Variants in C6orf52 observed in about 807,000 individuals in gnomAD.
C6orf52 encodes putative uncharacterized protein C6orf52.
A neutral mutation model predicts 16.6 loss-of-function variants in C6orf52; 16 were observed. The ratio of observed to expected loss-of-function variants is 0.96; its 90% CI spans 0.65 to 1.46. The LOEUF is 1.46. C6orf52 is among the 40% of genes most tolerant of loss of function. The pLI is 0.00. For missense variants in C6orf52, 166 were observed against 182.3 expected, an observed-to-expected ratio of 0.91 and a Z score of 0.52; for synonymous variants, 53 against 61.4, an observed-to-expected ratio of 0.86 and a Z score of 0.64.
intron 1 of C6orf52, among the ~76,000 whole-genome samples, chr6:10,691,436 TAGAACGGAACAGA>T (rs1769295769): frequency 6.6e-6 from 1 of 152,054 alleles, no homozygotes; most frequent in South Asian, 2.1e-4. Flanking sequence ...CACCGGTAAT[TAGAACGGAACAGA>T]ACAGGACAGG....
At chr6:10,685,314 G>A (rs1451284282) in intron 3 of C6orf52, among the ~76,000 whole-genome samples, 1 of 149,078 alleles carries the variant, frequency 6.7e-6, no homozygotes, top group East Asian at 1.9e-4. Context: ...TTTAAGTGCT[G>A]CAATATCAAA....
intron 2 of C6orf52, 86 bp from the exon 3 acceptor site, chr6:10,687,250 G>T: frequency 2.0e-6 from 2 of 990,068 alleles, no homozygotes; most frequent in African/African-American, 3.3e-5. Flanking sequence ...TTTGCAGTAA[G>T]CTGAACACCT....
At chr6:10,672,666 A>G (rs1476453185) in intron 4 of C6orf52, 3 of 673,958 alleles carry the variant, frequency 4.5e-6, no homozygotes, top group Admixed American at 4.5e-5. Flanking sequence ...TTTTTTTTAA[A>G]AAAAGAGCAG....
intron 4 of C6orf52, among the ~76,000 whole-genome samples, chr6:10,678,041 G>A (rs1768045654): frequency 6.6e-6 from 1 of 151,802 alleles, no homozygotes; most frequent in Admixed American, 6.6e-5. Flanking sequence ...AGCTGGGTGT[G>A]GTAATTCCAA....
At chr6:10,691,564 T>C (rs879312625) in intron 1 of C6orf52, among the ~76,000 whole-genome samples, 2 of 152,114 alleles carry the variant, frequency 1.3e-5, no homozygotes, top group Non-Finnish European at 2.9e-5. Context: ...TGCCGAGCTG[T>C]CTGCTTGTGG....
intron 1 of C6orf52, among the ~76,000 whole-genome samples, chr6:10,691,429 CG>C (rs1769295265): frequency 6.6e-6 from 1 of 152,016 alleles, no homozygotes; most frequent in African/African-American, 2.4e-5. Flanking sequence ...CTGCATGCAC[CG>C]GTAATTAGAA....
intron 4 of C6orf52, among the ~76,000 whole-genome samples, chr6:10,673,079 T>A (rs1767568073): frequency 6.6e-6 from 1 of 152,364 alleles, no homozygotes; most frequent in South Asian, 2.1e-4. Context: ...GCGTTTCTGG[T>A]CATAAAAGTA....
intron 3 of C6orf52, among the ~76,000 whole-genome samples, chr6:10,685,962 G>A (rs1768839481): frequency 6.6e-6 from 1 of 152,170 alleles, no homozygotes; most frequent in Non-Finnish European, 1.5e-5. Flanking sequence ...GCAACACTCA[G>A]ACAAATGCTT....
At chr6:10,692,997 T>G (rs1769480220) in intron 1 of C6orf52, among the ~76,000 whole-genome samples, 7 of 152,226 alleles carry the variant, frequency 4.6e-5, no homozygotes, top group Admixed American at 4.6e-4. Context: ...TGTTAAAGAA[T>G]AAATCATAAA....
At chr6:10,677,802 A>G (rs1012056260) in intron 4 of C6orf52, among the ~76,000 whole-genome samples, 2 of 151,784 alleles carry the variant, frequency 1.3e-5, no homozygotes, top group African/African-American at 4.8e-5. Context: ...CCAAAGTGCC[A>G]GGATTACAGG....
chr6:10,674,810 A>AT (rs1187713282), intron 4 of C6orf52: 12,410 of 138,968 alleles, frequency 0.089, 1,183 homozygotes, highest in African/African-American at 0.24. Context: ...TATACAATAC[A>AT]TTTTTTTTTT....
Position 10,672,410 on chromosome 6 carries a change from C to A in C6orf52, c.317-812G>T, listed in dbSNP as rs527447390. The A allele has an allele frequency of 6.0e-6, 3 of 501,990 alleles. No individual in the cohort carries two copies. In the East Asian group the frequency reaches 9.6e-5, roughly 16 times the overall value. The allele number at this position is 501,990 out of a possible 1,614,324, so 31.1% of individuals were successfully genotyped here. A position where few individuals can be genotyped will look rare whatever the true frequency, so the allele number is the denominator to read the frequency against. On this transcript the variant is annotated intron_variant, in intron 4 of 4. Transcript: ENST00000259983. Reference sequence around the variant, plus strand: ...CCCCACAAAATTCTTCTGTTAAAAGCCTAACCCCCACAATGTGAAGGCATT... The same window carrying A: ...CCCCACAAAATTCTTCTGTTAAAAGACTAACCCCCACAATGTGAAGGCATT...
chr6:10,671,614 A>C lies in C6orf52; in HGVS notation c.317-16T>G. ...AGATGTGGATCTGCAGAAGCCAATA[A>C]TGGATATGAAAAAAATAGAGTTTTA... On this transcript the variant is annotated splice_polypyrimidine_tract_variant and intron_variant, in intron 4 of 4. Coordinates refer to ENST00000259983, the MANE Select transcript of C6orf52 (RefSeq NM_001145020.3). 6.6e-7 allele frequency: 1 copy of C among 1,506,130 alleles called. No individual in the cohort carries two copies. The highest frequency in any genetic ancestry group is 2.5e-5 in the East Asian group (1 of 40,236). 93.3% of individuals were successfully genotyped at this position (1,506,130 alleles called of 1,614,324 possible).
At chr6:10,687,258 C>T (rs1768935000) in intron 2 of C6orf52, 94 bp from the exon 3 acceptor site, 1 of 938,236 alleles carries the variant, frequency 1.1e-6, no homozygotes. Context: ...AAGCTGAACA[C>T]CTATGTTCAA....
In C6orf52 at chr6:10,687,579, A is replaced by C; in HGVS notation, c.-11-18T>G. 2.7e-6 allele frequency: 4 copies of C among 1,491,358 alleles called. No homozygotes were observed. Among genetic ancestry groups the C allele is most frequent in the Non-Finnish European group, 3.7e-6 (4 of 1,094,588 alleles). 92.4% of individuals were successfully genotyped at this position (1,491,358 alleles called of 1,614,324 possible). ...CCCAGAAACTTTACAAAAAGAGAGC[A>C]GAATCCAGTTTTTATTCCTGCGTCA... On this transcript the variant is annotated intron_variant, in intron 1 of 4. Coordinates refer to ENST00000259983, the MANE Select transcript of C6orf52 (RefSeq NM_001145020.3).
chr6:10,686,438 A>G (rs192144587), intron 3 of C6orf52, among the ~76,000 whole-genome samples: 2 of 152,286 alleles, frequency 1.3e-5, no homozygotes, highest in East Asian at 3.9e-4. Flanking sequence ...GTGGGGGGGA[A>G]CTTTTCCCTT....
rs1199470373 is a variant in C6orf52, at chr6:10,671,579, A to G, written c.336T>C (p.Asn112=). The G allele has an allele frequency of 6.5e-7, 1 of 1,544,788 alleles. No individual in the cohort carries two copies. The highest frequency in any genetic ancestry group is 8.7e-7 in the Non-Finnish European group (1 of 1,143,786). ...TAAACTCTTGGTTTGATTCCTCAAT[A>G]TTCAAATGAAGATGTGGATCTGCAG... ...DPLEDPHLHL[N]IEESNQEFMV... The change falls in exon 5 of 5, where the codon AAT becomes AAC. Residue 112 remains asparagine (N), a synonymous_variant. Coordinates refer to ENST00000259983, the MANE Select transcript of C6orf52 (RefSeq NM_001145020.3).
chr6:10,690,218 G>A (rs1581564064), intron 1 of C6orf52, among the ~76,000 whole-genome samples: 1 of 152,168 alleles, frequency 6.6e-6, no homozygotes, highest in Non-Finnish European at 1.5e-5. Flanking sequence ...CTTAGGCCTT[G>A]GAGATGACAG....
At chr6:10,693,072 A>T (rs1188446526) in intron 1 of C6orf52, among the ~76,000 whole-genome samples, 1 of 152,102 alleles carries the variant, frequency 6.6e-6, no homozygotes, top group African/African-American at 2.4e-5. Context: ...TGTGCTAATA[A>T]CTCTGTTAAG....
Sources: gnomAD v4.1 joint callset for allele counts (sites outside exome capture counted in the v4.1 genomes callset) on GRCh38, gnomAD v4.1.1 for gene constraint, MANE v1.5 for transcripts, NCBI Gene and HGNC (gene_info 2026-07-23, HGNC 2026-07-21) for gene names.